Variants in ANK2 observed in about 807,000 individuals in gnomAD.
ANK2 encodes the protein ankyrin 2.
A neutral mutation model predicts 360.5 loss-of-function variants in ANK2; 83 were observed. That is an observed-to-expected ratio of 0.23 (90% CI 0.19 to 0.28). ANK2 has a LOEUF of 0.28. ANK2 is among the 10% of genes least tolerant of loss of function. The pLI is 1.00. For missense variants in ANK2, 4,201 were observed against 4,795.7 expected, an observed-to-expected ratio of 0.88 and a Z score of 3.66; for synonymous variants, 1,740 against 1,759.5, an observed-to-expected ratio of 0.99 and a Z score of 0.28.
At chr4:113,317,370 GA>G (rs1234266934) in intron 24 of ANK2, 1 of 368,564 alleles carries the variant, frequency 2.7e-6, no homozygotes, top group Non-Finnish European at 5.2e-6. Context: ...ATCTATCCTG[GA>G]ATTATTTCCT....
intron 40 of ANK2, 80 bp downstream of exon 40, chr4:113,363,549 A>T: frequency 6.5e-7 from 1 of 1,540,898 alleles, no homozygotes. Flanking sequence ...ATTCAGTAGA[A>T]TAGTAAAGAA....
intron 1 of ANK2, among the ~76,000 whole-genome samples, chr4:112,866,799 C>CT (rs60827575): frequency 6.6e-6 from 1 of 151,972 alleles, no homozygotes; most frequent in Non-Finnish European, 1.5e-5. Flanking sequence ...TGCTCGGATT[C>CT]TTTTTTTCCT....
At chr4:112,966,321 ACT>A (rs1173130401) in intron 2 of ANK2, among the ~76,000 whole-genome samples, 4 of 151,538 alleles carry the variant, frequency 2.6e-5, no homozygotes, top group South Asian at 2.1e-4. Context: ...TTCGAGCATA[ACT>A]CTTTTAATAT....
At chr4:112,954,103 A>G (rs2095203660) in intron 2 of ANK2, among the ~76,000 whole-genome samples, 1 of 152,186 alleles carries the variant, frequency 6.6e-6, no homozygotes, top group Non-Finnish European at 1.5e-5. Context: ...TGTGTGAACA[A>G]TTTAATCCCT....
At chr4:112,998,622 A>G (rs947877443) in intron 2 of ANK2, among the ~76,000 whole-genome samples, 4 of 152,176 alleles carry the variant, frequency 2.6e-5, no homozygotes, top group African/African-American at 9.7e-5. Flanking sequence ...GGTTCATGAG[A>G]TATTAATAGG....
At position 113,112,289 on chromosome 4, in the gene ANK2, C is replaced by T. The variant is rs577385856; in HGVS notation, c.85-62127C>T. On this transcript the variant is annotated intron_variant, in intron 1 of 45. Transcript: ENST00000357077. The stretch of plus-strand genomic sequence containing the variant: ...GGAAGTTCTAGTGAGGGGATTTTTT[C>T]ATCAGAAGAGTTTTCACAACTAGCA... Among the ~76,000 whole-genome samples, 6 of 152,178 alleles carry T rather than the reference C, an allele frequency of 3.9e-5. No individual in the cohort carries two copies. In the South Asian group the frequency reaches 8.3e-4, roughly 21 times the overall value.
At chr4:113,259,650 C>T in intron 13 of ANK2, among the ~76,000 whole-genome samples, 1 of 151,844 alleles carries the variant, frequency 6.6e-6, no homozygotes. Flanking sequence ...GCTTATTGGT[C>T]CTAAGGTCAT....
intron 5 of ANK2, among the ~76,000 whole-genome samples, chr4:113,236,785 T>A (rs192050166): frequency 1.3e-5 from 2 of 152,372 alleles, no homozygotes; most frequent in East Asian, 3.9e-4. Context: ...ATGTATAGAA[T>A]AGAAATTAGG....
intron 1 of ANK2, among the ~76,000 whole-genome samples, chr4:112,886,242 C>T (rs1358039653): frequency 6.6e-6 from 1 of 152,160 alleles, no homozygotes; most frequent in Non-Finnish European, 1.5e-5. Flanking sequence ...AGAGGTTTTA[C>T]TGTGCTGGGA....
At chr4:113,100,266 A>C (rs2092605541) in intron 1 of ANK2, among the ~76,000 whole-genome samples, 1 of 152,086 alleles carries the variant, frequency 6.6e-6, no homozygotes, top group Non-Finnish European at 1.5e-5. Flanking sequence ...AGAAATCTTC[A>C]AACTCAACAA....
the ANK2 span, among the ~76,000 whole-genome samples, chr4:112,733,793 G>GA: frequency 6.6e-6 from 1 of 152,158 alleles, no homozygotes; most frequent in African/African-American, 2.4e-5. Flanking sequence ...TTTGTTTTTT[G>GA]AGACGGAGTC....
At chr4:113,022,393 A>G (rs1289304370) in intron 2 of ANK2, among the ~76,000 whole-genome samples, 1 of 152,166 alleles carries the variant, frequency 6.6e-6, no homozygotes, top group Non-Finnish European at 1.5e-5. Flanking sequence ...ACATTTTCCA[A>G]CTGGACAGGG....
At chr4:113,213,904 GAGA>G in intron 4 of ANK2, 1 of 568,008 alleles carries the variant, frequency 1.8e-6, no homozygotes, top group East Asian at 3.1e-5. Flanking sequence ...AAAAGAGAAA[GAGA>G]ACTATGAATA....
the ANK2 span, among the ~76,000 whole-genome samples, chr4:112,784,431 C>T: frequency 6.8e-6 from 1 of 147,290 alleles, no homozygotes; most frequent in Non-Finnish European, 1.5e-5. Context: ...GATCTCGGCT[C>T]ACTGCAAGCT....
chr4:112,739,991 G>C, the ANK2 span, among the ~76,000 whole-genome samples: 1 of 151,858 alleles, frequency 6.6e-6, no homozygotes, highest in Non-Finnish European at 1.5e-5. Context: ...GCAGAACCCC[G>C]TCTCAATAAA....
intron 1 of ANK2, among the ~76,000 whole-genome samples, chr4:113,128,389 A>G (rs1003505311): frequency 3.3e-5 from 5 of 152,264 alleles, no homozygotes; most frequent in Non-Finnish European, 5.9e-5. Context: ...ATTACTTATT[A>G]TATCACCATA....
chr4:113,199,038 T>A lies in ANK2; in HGVS notation c.313T>A (p.Ser105Thr). 1 of 1,613,406 alleles carries A rather than the reference T, an allele frequency of 6.2e-7. No individual in the cohort carries two copies. The highest frequency in any genetic ancestry group is 2.2e-5 in the East Asian group (1 of 44,798). The change falls in exon 4 of 46, where the codon TCT (serine) becomes ACT (threonine). Residue 105 changes from serine (S) to threonine (T), a missense_variant. By Grantham distance (58) the Ser-to-Thr change is moderately conservative. Around this residue, in one of 4 missense-constraint regions of ANK2, gnomAD observed 169 missense variants for 191.1 expected, o/e 0.88. Coordinates refer to ENST00000357077, the MANE Select transcript of ANK2 (RefSeq NM_001148.6). Reference sequence around the variant, plus strand: ...GGGAAATACCGCTCTTCACATTGCATCTTTGGCTGGACAAGCAGAAGTTGT... The same window carrying A: ...GGGAAATACCGCTCTTCACATTGCAACTTTGGCTGGACAAGCAGAAGTTGT... ...KKGNTALHIASLAGQAEVVKV... is the reference protein window; with the variant it reads ...KKGNTALHIATLAGQAEVVKV...
intron 2 of ANK2, among the ~76,000 whole-genome samples, chr4:113,002,865 T>C (rs2051316800): frequency 2.0e-5 from 3 of 152,210 alleles, no homozygotes; most frequent in East Asian, 1.9e-4. Context: ...GGAAACTATT[T>C]GTAGTTCACC....
chr4:113,249,862 G>A lies in ANK2; in HGVS notation c.990G>A (p.Lys330=), dbSNP rs972895261. 1.2e-6 allele frequency: 2 copies of A among 1,613,438 alleles called. No individual in the cohort carries two copies. The highest frequency in any genetic ancestry group is 1.3e-5 in the African/African-American group (1 of 74,934). Residue 330 remains lysine, a splice_region_variant and synonymous_variant, in exon 10 of 46, where the codon AAG becomes AAA. Transcript: ENST00000357077. ...GTGCCCCCTTGCTGGCAAGGACTAA[G>A]GTGAGTCATTATGAGTAAGATGGGG... ...ERGAPLLART[K]NGLSPLHMAA...
Sources: allele counts gnomAD v4.1 joint callset (sites outside exome capture counted in the v4.1 genomes callset), GRCh38; gene constraint gnomAD v4.1.1; regional missense constraint gnomAD v4.1.1; transcripts MANE v1.5; gene names NCBI Gene and HGNC (gene_info 2026-07-23, HGNC 2026-07-21).